The following ALG12 variants were observed in gnomAD, a reference collection of about 807,000 sequenced individuals.
ALG12 encodes the protein dol-P-Man:Man(7)GlcNAc(2)-PP-Dol alpha-1,6-mannosyltransferase.
ALG12 carries 36 observed loss-of-function variants against 46.0 expected under a neutral mutation model. The observed-to-expected ratio is 0.78, with a 90% CI of 0.60 to 1.03. ALG12 has a LOEUF of 1.03. Ranked by LOEUF, ALG12 falls within the 50% of genes least tolerant of loss-of-function variation. The pLI is 0.00. For synonymous variants in ALG12, 326 were observed against 291.6 expected (o/e 1.12, Z -1.20); for missense variants, 599 against 633.5 (o/e 0.95, Z 0.58).
chr22:49,860,995 T>G, the ALG12 span, among the ~76,000 whole-genome samples: 3 of 58,790 alleles, frequency 5.1e-5, no homozygotes, highest in Non-Finnish European at 1.2e-4. Context: ...CCCAGGCTGG[T>G]CTCGATCTGA....
At chr22:49,910,760 G>A (rs2146609543) in intron 3 of ALG12, among the ~76,000 whole-genome samples, 153 bp from the exon 4 acceptor site, 1 of 152,348 alleles carries the variant, frequency 6.6e-6, no homozygotes, top group Non-Finnish European at 1.5e-5. Flanking sequence ...GCAGCCTTGA[G>A]GGCATCGTCT....
the ALG12 span, among the ~76,000 whole-genome samples, chr22:49,879,210 C>G: frequency 2.0e-5 from 3 of 150,978 alleles, no homozygotes; most frequent in African/African-American, 7.3e-5. Flanking sequence ...CTGTAACTTG[C>G]GCCTCCCGGG....
chr22:49,876,922 A>G, the ALG12 span, among the ~76,000 whole-genome samples: 97,868 of 152,180 alleles, frequency 0.64, 35,673 homozygotes, highest in East Asian at 0.85. Context: ...GTTGCTGGCC[A>G]AAGATTCCTT....
At chr22:49,897,391 C>T (rs1038570689), downstream of ALG12, among the ~76,000 whole-genome samples, 2 of 152,142 alleles carry the variant, frequency 1.3e-5, no homozygotes, top group African/African-American at 4.8e-5. Context: ...TAGTTCTGTA[C>T]GAAGCTGCCA....
Position 49,910,476 on chromosome 22 carries a change from A to T in ALG12, c.427T>A (p.Tyr143Asn), listed in dbSNP as rs770109779. 1 of 1,613,874 alleles carries T rather than the reference A, an allele frequency of 6.2e-7. No individual in the cohort carries two copies. The highest frequency in any genetic ancestry group is 1.1e-5 in the South Asian group (1 of 91,088). The change falls in exon 4 of 10, where the codon TAC (tyrosine) becomes AAC (asparagine). Residue 143 changes from tyrosine (Y) to asparagine (N), a missense_variant. Physicochemically the swap from Tyr to Asn is moderately radical, Grantham distance 143 (BLOSUM62 -2). Transcript: ENST00000330817. The part of the protein sequence containing the change: ...VTAMQFHLMF[Y>N]CTRTLPNVLA... Reference sequence around the variant, plus strand: ...ACATTGGGCAGTGTCCGCGTGCAGTAGAACATCAGGTGGAACTGCATGGCC... The same window carrying T: ...ACATTGGGCAGTGTCCGCGTGCAGTTGAACATCAGGTGGAACTGCATGGCC...
chr22:49,884,693 G>C, the ALG12 span: 2 of 1,602,264 alleles, frequency 1.2e-6, no homozygotes, highest in Non-Finnish European at 1.7e-6. Context: ...CAGGAGAACG[G>C]GGGCACGGGC....
rs76848348 is a variant in ALG12 at position 49,903,598 on chromosome 22, C to T, written c.*240G>A. The T allele has an allele frequency of 0.012, 8,005 of 680,138 alleles. 308 individuals carry two copies. The highest frequency in any genetic ancestry group is 0.1 in the African/African-American group (5,767 of 56,866). The allele number at this position is 680,138 out of a possible 1,614,324, so 42.1% of individuals were successfully genotyped here. ...GGAAGCCCTGAGCTGGCCACCATCACCCTGGGCAGTGGCTCCCGGGGTGCC... is the reference window on the plus strand; with the variant it reads ...GGAAGCCCTGAGCTGGCCACCATCATCCTGGGCAGTGGCTCCCGGGGTGCC... On this transcript the variant is annotated 3_prime_UTR_variant, in exon 10 of 10. Transcript: ENST00000330817.
Position 49,904,597 on chromosome 22 carries a change from T to G in ALG12, c.993-91A>C. On this transcript the variant is annotated intron_variant, in intron 7 of 9. Transcript: ENST00000330817. The stretch of plus-strand genomic sequence containing the variant: ...AACATACTAGGAGCATAACCTGCTG[T>G]TCAACTTCACCAAGTCATAACAAAG... 5 of 1,430,820 alleles carry G rather than the reference T, an allele frequency of 3.5e-6. No individual in the cohort carries two copies. The South Asian group carries it at 6.0e-5, about 17-fold the overall frequency. 88.6% of individuals were successfully genotyped at this position (1,430,820 alleles called of 1,614,324 possible).
the ALG12 span, among the ~76,000 whole-genome samples, chr22:49,859,379 G>T: frequency 6.6e-6 from 1 of 152,000 alleles, no homozygotes; most frequent in Non-Finnish European, 1.5e-5. Context: ...CTTTTGTTTT[G>T]TGATGCTCAA....
downstream of ALG12, among the ~76,000 whole-genome samples, chr22:49,899,594 G>A (rs562331715): frequency 3.9e-5 from 6 of 152,156 alleles, no homozygotes; most frequent in South Asian, 2.1e-4. Context: ...TGGAGGGAAC[G>A]TGGCAATACC....
At chr22:49,887,062 C>G in the ALG12 span, 2 of 1,614,204 alleles carry the variant, frequency 1.2e-6, no homozygotes, top group East Asian at 4.5e-5. Context: ...TTCAGAAAAG[C>G]TGTTCAACAC....
rs2147580579 is a variant in ALG12, at chr22:49,904,467, C to A, written c.1032G>T (p.Gly344=). The A allele has an allele frequency of 1.2e-6, 2 of 1,614,156 alleles. No homozygotes were observed. ...CGAGGTGTCCGATCACAAGCAGAGACCCCGCTTTGTACAGCCAAGACTTTT... is the reference window on the plus strand; with the variant it reads ...CGAGGTGTCCGATCACAAGCAGAGAACCCGCTTTGTACAGCCAAGACTTTT... ...NYKKSWLYKA[G]SLLVIGHLVV... Residue 344 remains glycine, a synonymous_variant, in exon 8 of 10, where the codon GGG becomes GGT. Transcript: ENST00000330817.
chr22:49,865,303 T>A, the ALG12 span, among the ~76,000 whole-genome samples: 1 of 152,090 alleles, frequency 6.6e-6, no homozygotes, highest in African/African-American at 2.4e-5. Context: ...TGGGGTGCGC[T>A]GCTCTTTGCC....
chr22:49,876,951 CA>C, the ALG12 span, among the ~76,000 whole-genome samples: 1 of 152,138 alleles, frequency 6.6e-6, no homozygotes, highest in Non-Finnish European at 1.5e-5. Flanking sequence ...CCGATTTTTC[CA>C]AAATAGATGA....
At chr22:49,879,211 G>A in the ALG12 span, among the ~76,000 whole-genome samples, 3 of 149,348 alleles carry the variant, frequency 2.0e-5, no homozygotes, top group African/African-American at 4.9e-5. Context: ...TGTAACTTGC[G>A]CCTCCCGGGT....
the ALG12 span, chr22:49,888,906 G>A: frequency 1.2e-4 from 20 of 167,336 alleles, no homozygotes; most frequent in South Asian, 2.1e-4. Flanking sequence ...AAAGGGTTGC[G>A]CACAGGATAG....
chr22:49,911,384 C>A (rs972315926), intron 3 of ALG12, among the ~76,000 whole-genome samples: 11 of 152,086 alleles, frequency 7.2e-5, no homozygotes, highest in Non-Finnish European at 1.0e-4. Context: ...ACCCCATGTG[C>A]ATACCAGGCA....
downstream of ALG12, among the ~76,000 whole-genome samples, chr22:49,896,475 T>C (rs1360914866): frequency 2.0e-5 from 3 of 152,234 alleles, no homozygotes; most frequent in East Asian, 5.8e-4. Context: ...TGAGCCCTTA[T>C]GCAGGCCCAG....
chr22:49,875,834 A>G, the ALG12 span, among the ~76,000 whole-genome samples: 1 of 152,114 alleles, frequency 6.6e-6, no homozygotes, highest in Non-Finnish European at 1.5e-5. Flanking sequence ...CATTCCTGGT[A>G]GTGGTAAATT....
Sources: allele counts gnomAD v4.1 joint callset (sites outside exome capture counted in the v4.1 genomes callset), GRCh38; gene constraint gnomAD v4.1.1; transcripts MANE v1.5; gene names NCBI Gene and HGNC (gene_info 2026-07-23, HGNC 2026-07-21).